DNA2: variants seen among roughly 807,000 people sequenced by gnomAD.
The protein encoded by DNA2 is DNA replication helicase/nuclease 2, also known as DNA replication ATP-dependent helicase/nuclease DNA2.
In DNA2, 101 loss-of-function variants were observed where a neutral mutation model predicts 119.1. That is an observed-to-expected ratio of 0.85 (90% CI 0.72 to 1.00). The LOEUF (loss-of-function observed/expected upper bound fraction) is 1.00, where lower values mean the gene tolerates loss of function less well. Among genes scored for constraint, DNA2 ranks in the 50% least tolerant of loss-of-function variants. The pLI, the probability that DNA2 is intolerant of heterozygous loss-of-function variation, is 0.00. For missense variants in DNA2, 1,121 were observed against 1,255.5 expected (o/e 0.89, Z 1.62); for synonymous variants, 366 against 424.4 (o/e 0.86, Z 1.69).
chr10:68,465,809 A>C lies in DNA2; in HGVS notation c.445T>G (p.Ser149Ala). The C allele has an allele frequency of 6.5e-7, 1 of 1,545,548 alleles. No individual in the cohort carries two copies. The highest frequency in any genetic ancestry group is 1.3e-5 in the South Asian group (1 of 78,062). Residue 149 changes from serine (S) to alanine (A), a missense_variant, in exon 4 of 21, where the codon TCT becomes GCT. Physicochemically the swap from Ser to Ala is moderately conservative, Grantham distance 99. Transcript: ENST00000358410. ...RAVLSETFRS[S>A]DPATRQMLIG... is the part of the protein sequence containing the mutation. ...AGCATTTGGCGTGTGGCTGGATCAG[A>C]GCTCTACAAAAGCAAATCACACAGT... is the stretch of plus-strand genomic sequence containing the variant.
chr10:68,458,357 C>T (rs1388012216), intron 5 of DNA2, among the ~76,000 whole-genome samples: 1 of 151,974 alleles, frequency 6.6e-6, no homozygotes, highest in East Asian at 1.9e-4. Flanking sequence ...CATGGCAAAA[C>T]CCTGTCTCTA....
chr10:68,470,287 A>C (rs1050612746), intron 1 of DNA2, 124 bp from the exon 2 acceptor site: 2 of 833,194 alleles, frequency 2.4e-6, no homozygotes, highest in Admixed American at 3.4e-5. Context: ...GCTTATTGCA[A>C]TGACATTTAG....
Position 68,469,084 on chromosome 10 carries a change from C to T in DNA2, c.258-778G>A, listed in dbSNP as rs189812883. ...CAACAACAAAAAACAAATTAATTCA[C>T]GGCTTAGACGAAGAGTCAAAGTTAG... On this transcript the variant is annotated intron_variant, in intron 2 of 20. Coordinates refer to ENST00000358410, the MANE Select transcript of DNA2 (RefSeq NM_001080449.3). Among the ~76,000 whole-genome samples the T allele has an allele frequency of 7.2e-5, 11 of 152,220 alleles. No individual in the cohort carries two copies. The East Asian group carries it at 2.1e-3, about 29-fold the overall frequency.
chr10:68,440,720 C>T (rs931217592), intron 9 of DNA2, among the ~76,000 whole-genome samples: 7 of 152,116 alleles, frequency 4.6e-5, no homozygotes, highest in Non-Finnish European at 8.8e-5. Context: ...CGCAGTCTAT[C>T]CACAATTACA....
chr10:68,424,738 G>A, intron 14 of DNA2: 1 of 1,560,846 alleles, frequency 6.4e-7, no homozygotes, highest in South Asian at 1.1e-5. Flanking sequence ...GTAGTTCAAG[G>A]ACACTACAAA....
In DNA2 at chr10:68,437,229, G is replaced by A. The variant is rs962931147; in HGVS notation, c.1428C>T (p.Gly476=). 11 of 1,603,780 alleles carry A rather than the reference G, an allele frequency of 6.9e-6. No individual in the cohort carries two copies. Among genetic ancestry groups the A allele is most frequent in the Non-Finnish European group, 9.4e-6 (11 of 1,172,312 alleles). ...LMPASEMEKS[G]SCIGNLIRME... ...TTCTAATCAGGTTTCCAATGCAACT[G>A]CCACTCTTCTCCCTATGAAAAGACC... The change falls in exon 10 of 21, where the codon GGC becomes GGT. Residue 476 remains glycine, a synonymous_variant. Transcript: ENST00000358410.
chr10:68,415,660 T>TTTTTG (rs988781259), intron 20 of DNA2, among the ~76,000 whole-genome samples: 25 of 152,022 alleles, frequency 1.6e-4, no homozygotes, highest in Non-Finnish European at 2.8e-4. Context: ...TACACTGTTT[T>TTTTTG]TTTTGTTTTG....
At chr10:68,468,329 G>C in intron 2 of DNA2, 23 bp from the exon 3 acceptor site, 2 of 1,482,708 alleles carry the variant, frequency 1.3e-6, no homozygotes, top group Non-Finnish European at 1.8e-6. Flanking sequence ...CAAAGTTAAA[G>C]TATAAATACA....
At position 68,414,749 on chromosome 10, in the gene DNA2, G is replaced by T. The variant is rs573804963; in HGVS notation, c.*290C>A. 2 of 283,254 alleles carry T rather than the reference G, an allele frequency of 7.1e-6. No homozygotes were observed. The highest frequency in any genetic ancestry group is 4.3e-5 in the African/African-American group (2 of 46,286). The allele number at this position is 283,254 out of a possible 1,614,324, so 17.5% of individuals were successfully genotyped here. A position where few individuals can be genotyped will look rare whatever the true frequency, so the allele number is the denominator to read the frequency against. ...GTCTTTCAAATAAAGTTCTTACAAT[G>T]ATATCTACAAAATCAAATTAGTCCT... On this transcript the variant is annotated 3_prime_UTR_variant, in exon 21 of 21. Coordinates refer to ENST00000358410, the MANE Select transcript of DNA2 (RefSeq NM_001080449.3).
chr10:68,430,566 T>A lies in DNA2; in HGVS notation c.2078A>T (p.Lys693Ile). ...DNILLKLAKF[K>I]IGFLRLGQIQ... ...CTGACCCAAACGCAAAAATCCTATT[T>A]TAAACTTGGCTAACTTCAAAAGAAT... Residue 693 changes from lysine to isoleucine, a missense_variant, in exon 14 of 21, where the codon AAA (lysine) becomes ATA (isoleucine). Transcript: ENST00000358410. 6.2e-7 allele frequency: 1 copy of A among 1,609,208 alleles called. No homozygotes were observed. Among genetic ancestry groups the A allele is most frequent in the Non-Finnish European group, 8.5e-7 (1 of 1,177,632 alleles).
In DNA2 at chr10:68,466,640, G is replaced by A. The variant is rs563469888; in HGVS notation, c.442-828C>T. On this transcript the variant is annotated intron_variant, in intron 3 of 20. Coordinates refer to ENST00000358410, the MANE Select transcript of DNA2 (RefSeq NM_001080449.3). ...GTCACCCAGGCTGGAGTGCAGCCGC[G>A]CGACTTTTGCTCACTGCAAGCTCCG... 1.5e-4 allele frequency among the ~76,000 whole-genome samples: 23 copies of A among 150,022 alleles called. No individual in the cohort carries two copies. In the East Asian group the frequency reaches 4.3e-3, roughly 28 times the overall value.
intron 16 of DNA2, 23 bp from the exon 17 acceptor site, chr10:68,422,452 C>CT: frequency 1.2e-6 from 2 of 1,613,008 alleles, no homozygotes; most frequent in South Asian, 2.2e-5. Context: ...CAAAAGATAA[C>CT]TTTAGTTTTG....
chr10:68,424,763 C>CA lies in DNA2; in HGVS notation c.2209-1874dup. 2.1e-6 allele frequency: 3 copies of CA among 1,415,436 alleles called. No homozygotes were observed. In the East Asian group the frequency reaches 6.9e-5, roughly 32 times the overall value. The allele number at this position is 1,415,436 out of a possible 1,614,324, so 87.7% of individuals were successfully genotyped here. On this transcript the variant is annotated intron_variant, in intron 14 of 20. Coordinates refer to ENST00000358410, the MANE Select transcript of DNA2 (RefSeq NM_001080449.3). ...GACACTACAAAGGTCAGCAAATTGG[C>CA]AAGGTAGTCCAGGTGTACAGAAAGA...
chr10:68,451,726 C>A (rs1229227186), intron 5 of DNA2, among the ~76,000 whole-genome samples: 1 of 151,182 alleles, frequency 6.6e-6, no homozygotes, highest in Non-Finnish European at 1.5e-5. Flanking sequence ...TTATGGTCAA[C>A]CCCTATTTCT....
At chr10:68,415,369 T>C (rs2051575284) in intron 20 of DNA2, among the ~76,000 whole-genome samples, 1 of 151,762 alleles carries the variant, frequency 6.6e-6, no homozygotes, top group Middle Eastern at 3.2e-3. Context: ...CTCTGCCTCC[T>C]GGGTTCAAGA....
At chr10:68,420,358 G>A (rs2133358184) in intron 17 of DNA2, among the ~76,000 whole-genome samples, 1 of 152,298 alleles carries the variant, frequency 6.6e-6, no homozygotes, top group Middle Eastern at 3.4e-3. Flanking sequence ...CCAACACAGT[G>A]AAACCCCGTC....
At chr10:68,427,156 G>T (rs1306846005) in intron 14 of DNA2, among the ~76,000 whole-genome samples, 2 of 151,456 alleles carry the variant, frequency 1.3e-5, no homozygotes, top group African/African-American at 4.8e-5. Flanking sequence ...ATCACCTGAG[G>T]TCAAGAGTTC....
intron 8 of DNA2, among the ~76,000 whole-genome samples, chr10:68,443,454 G>A (rs955589598): frequency 1.3e-5 from 2 of 152,130 alleles, no homozygotes; most frequent in African/African-American, 2.4e-5. Flanking sequence ...GCTCAGTGAC[G>A]TAAGTACACA....
intron 10 of DNA2, among the ~76,000 whole-genome samples, chr10:68,435,103 C>T (rs904200693): frequency 1.3e-5 from 2 of 151,998 alleles, no homozygotes; most frequent in African/African-American, 4.8e-5. Context: ...AGGCTACATG[C>T]AGTGCAGAGG....
Sources: gnomAD v4.1 joint callset for allele counts (sites outside exome capture counted in the v4.1 genomes callset) on GRCh38, gnomAD v4.1.1 for gene constraint, MANE v1.5 for transcripts, NCBI Gene and HGNC (gene_info 2026-07-23, HGNC 2026-07-21) for gene names.